EIF4E3: variants seen among roughly 807,000 people sequenced by gnomAD.
EIF4E3 encodes eukaryotic translation initiation factor 4E family member 3, also known as eukaryotic translation initiation factor 4E type 3.
EIF4E3 carries 26 observed loss-of-function variants against 31.7 expected under a neutral mutation model. The observed-to-expected ratio is 0.82, with a 90% CI of 0.60 to 1.14. EIF4E3 has a LOEUF of 1.14. EIF4E3 is among the 50% of genes most tolerant of loss of function. The pLI, the probability that EIF4E3 is intolerant of heterozygous loss-of-function variation, is 0.00. For missense variants in EIF4E3, 304 were observed against 270.9 expected, an observed-to-expected ratio of 1.12 and a Z score of -0.86; for synonymous variants, 128 against 107.7, an observed-to-expected ratio of 1.19 and a Z score of -1.17.
chr3:71,712,268 T>C (rs910171059), intron 1 of EIF4E3, among the ~76,000 whole-genome samples: 3 of 152,132 alleles, frequency 2.0e-5, no homozygotes, highest in African/African-American at 2.4e-5. Flanking sequence ...ACTCAATCAA[T>C]ACCTTGCTAA....
At chr3:71,753,719 G>A (rs2049963974), upstream of EIF4E3, 1 of 150,764 alleles carries the variant, frequency 6.6e-6, no homozygotes, top group Admixed American at 6.7e-5. Context: ...GAGCCAAGAG[G>A]CGCGGCGGCA....
the EIF4E3 span, among the ~76,000 whole-genome samples, chr3:71,666,668 G>T: frequency 1.3e-5 from 2 of 152,308 alleles, no homozygotes; most frequent in Admixed American, 1.3e-4. Flanking sequence ...CCAGCACGGT[G>T]GCTCCTGCCT....
chr3:71,674,602 T>A (rs1386423656), downstream of EIF4E3, among the ~76,000 whole-genome samples: 1 of 152,152 alleles, frequency 6.6e-6, no homozygotes, highest in Non-Finnish European at 1.5e-5. Flanking sequence ...GTTAGAAGAC[T>A]AATGGGTTTG....
chr3:71,710,509 GAC>G (rs1032420280), intron 1 of EIF4E3, 25 bp from the exon 2 acceptor site: 6 of 1,551,384 alleles, frequency 3.9e-6, no homozygotes, highest in Non-Finnish European at 5.2e-6. Context: ...GCAGGACAAA[GAC>G]ACAAACAAAA....
chr3:71,742,217 G>T (rs2049828000), intron 1 of EIF4E3, among the ~76,000 whole-genome samples: 2 of 152,020 alleles, frequency 1.3e-5, no homozygotes, highest in African/African-American at 4.8e-5. Context: ...TAAAAATCTG[G>T]TTATTTGAGA....
At chr3:71,668,948 A>G in the EIF4E3 span, among the ~76,000 whole-genome samples, 1 of 152,232 alleles carries the variant, frequency 6.6e-6, no homozygotes, top group East Asian at 1.9e-4. Context: ...ATGCACACAT[A>G]TGTTTATTGC....
At chr3:71,685,003 CA>C (rs1376217032) in intron 6 of EIF4E3, among the ~76,000 whole-genome samples, 2 of 152,138 alleles carry the variant, frequency 1.3e-5, no homozygotes, top group African/African-American at 4.8e-5. Flanking sequence ...GTCATCTCAG[CA>C]AGCCGATGAA....
chr3:71,690,805 G>C (rs933326832), intron 5 of EIF4E3, among the ~76,000 whole-genome samples: 1 of 152,208 alleles, frequency 6.6e-6, no homozygotes, highest in Non-Finnish European at 1.5e-5. Context: ...CTGTGGGCTA[G>C]AGAGCCAATG....
At chr3:71,706,652 A>G (rs1022147108) in intron 2 of EIF4E3, among the ~76,000 whole-genome samples, 5 of 152,110 alleles carry the variant, frequency 3.3e-5, no homozygotes, top group African/African-American at 1.2e-4. Context: ...CCCCATCTCT[A>G]CAAAAAAAAT....
the EIF4E3 span, among the ~76,000 whole-genome samples, chr3:71,669,936 C>G: frequency 6.6e-6 from 1 of 152,196 alleles, no homozygotes; most frequent in Non-Finnish European, 1.5e-5. Flanking sequence ...AATTCTGCTA[C>G]ATAAACACAA....
intron 4 of EIF4E3, among the ~76,000 whole-genome samples, chr3:71,695,846 G>A (rs745980102): frequency 7.2e-5 from 11 of 152,234 alleles, no homozygotes; most frequent in Non-Finnish European, 8.8e-5. Context: ...TAATGTTCAC[G>A]TTCATTTCCA....
chr3:71,732,057 G>A (rs937185668), intron 1 of EIF4E3, among the ~76,000 whole-genome samples: 5 of 152,048 alleles, frequency 3.3e-5, no homozygotes, highest in Admixed American at 6.6e-5. Context: ...ATGAGCTCCC[G>A]AAGACAGGCC....
At chr3:71,743,822 T>G (rs1483167258) in intron 1 of EIF4E3, among the ~76,000 whole-genome samples, 1 of 152,206 alleles carries the variant, frequency 6.6e-6, no homozygotes, top group Non-Finnish European at 1.5e-5. Flanking sequence ...ATGGACAATT[T>G]GTTTTTGACA....
downstream of EIF4E3, among the ~76,000 whole-genome samples, chr3:71,674,998 C>A (rs2048865272): frequency 6.6e-6 from 1 of 152,176 alleles, no homozygotes; most frequent in South Asian, 2.1e-4. Flanking sequence ...ATATTCAAGG[C>A]TAAATTGGGC....
intron 1 of EIF4E3, among the ~76,000 whole-genome samples, chr3:71,732,015 A>G (rs918528099): frequency 1.3e-5 from 2 of 152,096 alleles, no homozygotes; most frequent in Non-Finnish European, 2.9e-5. Context: ...ATTTGTCCCT[A>G]TTTCTTGGTG....
chr3:71,709,570 G>C (rs1466790724), intron 2 of EIF4E3, among the ~76,000 whole-genome samples: 1 of 151,974 alleles, frequency 6.6e-6, no homozygotes, highest in Non-Finnish European at 1.5e-5. Flanking sequence ...TGTTTGTAGA[G>C]ATGGGGGTCT....
intron 1 of EIF4E3, among the ~76,000 whole-genome samples, chr3:71,734,844 A>C (rs564446162): frequency 2.2e-4 from 33 of 152,300 alleles, no homozygotes; most frequent in African/African-American, 7.0e-4. Flanking sequence ...AAGTATCTTC[A>C]TTTCTCGTGC....
At chr3:71,700,109 G>A (rs1246761906) in intron 2 of EIF4E3, among the ~76,000 whole-genome samples, 5 of 152,170 alleles carry the variant, frequency 3.3e-5, no homozygotes, top group Non-Finnish European at 7.3e-5. Flanking sequence ...GGGAAGTCGA[G>A]GCTGCAAGTG....
chr3:71,725,271 C>G lies in EIF4E3; in HGVS notation c.97G>C (p.Gly33Arg), dbSNP rs1417142729. ...AAAAAPEPPL[G>R]LQQLSALQPE... ...TGCAGCGCCGACAGCTGCTGCAGGC[C>G]GAGCGGCGGCTCGGGGGCGGCGGCA... Residue 33 changes from glycine (G) to arginine (R), a missense_variant, in exon 1 of 7, where the codon GGC becomes CGC. Transcript: ENST00000425534. This position sits in a 1 kb window ranked among gnomAD's most constrained non-coding sequence, Gnocchi z 6.1. 6 of 1,029,346 alleles carry G rather than the reference C, an allele frequency of 5.8e-6. No individual in the cohort carries two copies. Among genetic ancestry groups the G allele is most frequent in the African/African-American group, 5.2e-5 (3 of 57,772 alleles). The allele number at this position is 1,029,346 out of a possible 1,614,324, so 63.8% of individuals were successfully genotyped here.
Sources: allele counts gnomAD v4.1 joint callset (sites outside exome capture counted in the v4.1 genomes callset), GRCh38; gene constraint gnomAD v4.1.1; non-coding constraint Gnocchi (gnomAD v3.1); transcripts MANE v1.5; gene names NCBI Gene and HGNC (gene_info 2026-07-23, HGNC 2026-07-21).